Variants in URI1 observed in about 807,000 individuals in gnomAD.
URI1 encodes URI1 prefoldin like chaperone.
In URI1, 39 loss-of-function variants were observed where a neutral mutation model predicts 60.2. The ratio of observed to expected loss-of-function variants is 0.65; its 90% confidence interval spans 0.50 to 0.85. The LOEUF is 0.85. Ranked by LOEUF, URI1 falls within the 40% of genes least tolerant of loss-of-function variation. The pLI is 0.00. For synonymous variants in URI1, 251 were observed against 236.8 expected (o/e 1.06, Z -0.55); for missense variants, 691 against 665.9 (o/e 1.04, Z -0.42).
chr19:30,012,637 C>A, intron 10 of URI1, 106 bp downstream of exon 10: 4 of 1,366,812 alleles, frequency 2.9e-6, no homozygotes, highest in Non-Finnish European at 3.9e-6. Context: ...AGGTTTTATA[C>A]TTTCTTGGTA....
At chr19:29,971,301 T>A (rs2055456611) in intron 2 of URI1, 74 bp downstream of exon 2, 1 of 1,498,930 alleles carries the variant, frequency 6.7e-7, no homozygotes, top group African/African-American at 1.4e-5. Context: ...ATAATGTGTT[T>A]ACTGTTTGCG....
intron 4 of URI1, among the ~76,000 whole-genome samples, chr19:29,992,455 C>G (rs2055758755): frequency 6.6e-6 from 1 of 152,122 alleles, no homozygotes; most frequent in Non-Finnish European, 1.5e-5. Context: ...GTACTTAGAC[C>G]ATTTACATTT....
At chr19:29,991,041 G>A (rs547061850) in intron 4 of URI1, among the ~76,000 whole-genome samples, 10 of 152,100 alleles carry the variant, frequency 6.6e-5, no homozygotes, top group Non-Finnish European at 1.2e-4. Context: ...AAAGTTGGTA[G>A]TACGGGTGCT....
chr19:30,002,524 C>A (rs954645244), intron 4 of URI1, among the ~76,000 whole-genome samples: 1 of 151,930 alleles, frequency 6.6e-6, no homozygotes, highest in Non-Finnish European at 1.5e-5. Context: ...ATTTAACCTG[C>A]AGCCTGGTTT....
At chr19:29,969,833 T>C (rs2055435949) in intron 1 of URI1, among the ~76,000 whole-genome samples, 1 of 152,202 alleles carries the variant, frequency 6.6e-6, no homozygotes, top group South Asian at 2.1e-4. Context: ...AACAGTGAAA[T>C]GGATTGATGT....
chr19:29,923,863 G>C, intron 1 of URI1: 1 of 1,147,218 alleles, frequency 8.7e-7, no homozygotes, highest in Non-Finnish European at 1.2e-6. Flanking sequence ...ACAAGATACA[G>C]ATGGCGCTGT....
At position 30,015,324 on chromosome 19, in the gene URI1, G is replaced by A; in HGVS notation, c.*255G>A. ...CTAAGTTTGCCTTTATGATGCAGTG[G>A]CAGCATTTTGAATTACTTTTCAAAG... On this transcript the variant is annotated 3_prime_UTR_variant, in exon 11 of 11. Transcript: ENST00000392271. 3.5e-6 allele frequency: 5 copies of A among 1,413,162 alleles called. No individual in the cohort carries two copies. The highest frequency in any genetic ancestry group is 4.6e-6 in the Non-Finnish European group (5 of 1,090,020). The allele number at this position is 1,413,162 out of a possible 1,614,324, so 87.5% of individuals were successfully genotyped here.
rs34820413 is a variant in URI1 at position 29,935,700 on chromosome 19, C to CTTTTTTTT, written c.63+11953_63+11960dup. Among the ~76,000 whole-genome samples, 55 of 131,856 alleles carry CTTTTTTTT rather than the reference C, an allele frequency of 4.2e-4. 1 individual carries two copies. Among genetic ancestry groups the CTTTTTTTT allele is most frequent in the East Asian group, 1.3e-3 (5 of 3,972 alleles). The allele number at this position is 131,856 out of a possible 152,430, so 86.5% of individuals were successfully genotyped here. A position where few individuals can be genotyped will look rare whatever the true frequency, so the allele number is the denominator to read the frequency against. On this transcript the variant is annotated intron_variant, in intron 1 of 10. Transcript: ENST00000360605. ...TGGTAGGAAATTCTTGGTTGACAGT[C>CTTTTTTTT]TTTTTTTTTTTTTTCCCCAGGACTT...
intron 1 of URI1, among the ~76,000 whole-genome samples, chr19:29,944,139 TCATATATA>T (rs2055067135): frequency 6.5e-5 from 2 of 30,590 alleles, no homozygotes; most frequent in African/African-American, 1.8e-4. Flanking sequence ...ACCCTGTCAT[TCATATATA>T]TATATATATA....
intron 1 of URI1, among the ~76,000 whole-genome samples, chr19:29,950,031 G>C (rs2055160379): frequency 6.6e-6 from 1 of 152,198 alleles, no homozygotes; most frequent in South Asian, 2.1e-4. Context: ...CCGTTTTGTA[G>C]GTAGGTGAGT....
intron 1 of URI1, among the ~76,000 whole-genome samples, chr19:29,965,639 C>T (rs1379286360): frequency 1.3e-5 from 2 of 152,180 alleles, no homozygotes; most frequent in African/African-American, 4.8e-5. Context: ...GTTCCTGGAT[C>T]TCTAGTTCAA....
intron 2 of URI1, among the ~76,000 whole-genome samples, chr19:29,979,557 GTT>G (rs2055566948): frequency 6.6e-6 from 1 of 152,082 alleles, no homozygotes; most frequent in East Asian, 1.9e-4. Flanking sequence ...CCATTGCACT[GTT>G]TTCTCATTGT....
In URI1 at chr19:29,956,781, C is replaced by A. The variant is rs140500551; in HGVS notation, c.117+14117C>A. On this transcript the variant is annotated intron_variant, in intron 1 of 10. Coordinates refer to ENST00000392271, the MANE Select transcript of URI1 (RefSeq NM_003796.3). ...TGTACATGACTACAAATAGTCCGAA[C>A]GGTAGCCAGTTCCTTTCTGTTACCC... 3.4e-3 allele frequency: 5,359 copies of A among 1,598,864 alleles called. 164 individuals are homozygous for A. The African/African-American group carries it at 0.065, about 20-fold the overall frequency.
At chr19:29,926,727 A>G (rs1295734064) in intron 1 of URI1, among the ~76,000 whole-genome samples, 1 of 152,228 alleles carries the variant, frequency 6.6e-6, no homozygotes, top group East Asian at 1.9e-4. Flanking sequence ...CGACCTATAC[A>G]TTGCAAAGGA....
chr19:29,971,200 C>G lies in URI1; in HGVS notation c.125C>G (p.Thr42Ser), dbSNP rs2055455167. 2 of 1,613,152 alleles carry G rather than the reference C, an allele frequency of 1.2e-6. No individual in the cohort carries two copies. The highest frequency in any genetic ancestry group is 1.7e-6 in the Non-Finnish European group (2 of 1,179,454). The change falls in exon 2 of 11, where the codon ACT (threonine) becomes AGT (serine). Residue 42 changes from threonine to serine, a missense_variant. Transcript: ENST00000392271. ...RLREEQEKVVTNCQERIQHWK... is the reference protein window; with the variant it reads ...RLREEQEKVVSNCQERIQHWK... ...TATCTGTTTTCATGACAGGTGGTCA[C>G]TAACTGCCAAGAGAGAATCCAGCAT...
intron 4 of URI1, among the ~76,000 whole-genome samples, chr19:29,994,970 C>T (rs1372918696): frequency 2.0e-5 from 3 of 151,848 alleles, no homozygotes; most frequent in Non-Finnish European, 2.9e-5. Flanking sequence ...TTAGTAGAGA[C>T]AGGGTTTCAC....
chr19:29,961,767 C>A (rs1307906355), intron 1 of URI1, among the ~76,000 whole-genome samples: 1 of 151,140 alleles, frequency 6.6e-6, no homozygotes, highest in African/African-American at 2.4e-5. Flanking sequence ...CTCACTGCAA[C>A]CTCTATCTCC....
intron 1 of URI1, among the ~76,000 whole-genome samples, chr19:29,961,223 C>T (rs543979199): frequency 1.3e-4 from 19 of 149,204 alleles, no homozygotes; most frequent in African/African-American, 2.2e-4. Flanking sequence ...GTTGATCAAC[C>T]GTAATTACCA....
At chr19:29,984,100 G>A (rs2055631168) in intron 2 of URI1, among the ~76,000 whole-genome samples, 1 of 152,148 alleles carries the variant, frequency 6.6e-6, no homozygotes, top group Non-Finnish European at 1.5e-5. Flanking sequence ...CAACTTCACA[G>A]CCAGTATCTA....
Sources: gnomAD v4.1 joint callset for allele counts (sites outside exome capture counted in the v4.1 genomes callset) on GRCh38, gnomAD v4.1.1 for gene constraint, MANE v1.5 for transcripts, NCBI Gene and HGNC (gene_info 2026-07-23, HGNC 2026-07-21) for gene names.